The following CHL1 variants were observed in gnomAD, a reference collection of about 807,000 sequenced individuals.
CHL1 encodes neural cell adhesion molecule L1-like protein.
A neutral mutation model predicts 141.9 loss-of-function variants in CHL1; 96 were observed. The observed-to-expected ratio is 0.68, with a 90% CI of 0.57 to 0.80. The LOEUF is 0.80. Ranked by LOEUF, CHL1 falls within the 30% of genes least tolerant of loss-of-function variation. CHL1 has a pLI of 0.00. For missense variants in CHL1, 1,820 were observed against 1,457.2 expected, an observed-to-expected ratio of 1.25 and a Z score of -4.05; for synonymous variants, 613 against 502.2, an observed-to-expected ratio of 1.22 and a Z score of -2.95.
chr3:371,968 G>C (rs1705694510), intron 15 of CHL1, among the ~76,000 whole-genome samples: 1 of 152,120 alleles, frequency 6.6e-6, no homozygotes. Context: ...TTTCTTCTGA[G>C]AGGTCCACCG....
intron 20 of CHL1, among the ~76,000 whole-genome samples, chr3:390,157 AG>A (rs1708102766): frequency 6.6e-6 from 1 of 152,224 alleles, no homozygotes; most frequent in Non-Finnish European, 1.5e-5. Flanking sequence ...CCCAAATAAA[AG>A]CACACAAAAC....
intron 23 of CHL1, among the ~76,000 whole-genome samples, chr3:394,136 A>G (rs1329129448): frequency 1.3e-5 from 2 of 152,198 alleles, no homozygotes; most frequent in East Asian, 3.8e-4. Flanking sequence ...AGCACTTTAC[A>G]TAGTACTTAG....
intron 2 of CHL1, among the ~76,000 whole-genome samples, chr3:277,996 G>T (rs967155131): frequency 3.3e-5 from 5 of 152,204 alleles, no homozygotes; most frequent in African/African-American, 1.2e-4. Context: ...TACTAGGCAG[G>T]AATGTGGAGT....
At chr3:397,897 C>T (rs1002287358) in intron 24 of CHL1, among the ~76,000 whole-genome samples, 3 of 152,014 alleles carry the variant, frequency 2.0e-5, no homozygotes, top group African/African-American at 4.8e-5. Flanking sequence ...TATTCAGTTT[C>T]GCATTAGGTT....
At chr3:327,518 T>C (rs2125074904) in intron 4 of CHL1, among the ~76,000 whole-genome samples, 1 of 152,118 alleles carries the variant, frequency 6.6e-6, no homozygotes, top group Middle Eastern at 3.4e-3. Flanking sequence ...GGAACTGGCA[T>C]ATTGAAATAT....
At position 227,794 on chromosome 3, in the gene CHL1, C is replaced by G. The variant is rs539755323; in HGVS notation, c.-174-16819C>G. Among the ~76,000 whole-genome samples the G allele has an allele frequency of 2.0e-5, 3 of 152,208 alleles. No homozygotes were observed. The East Asian group carries it at 5.8e-4, about 29-fold the overall frequency. On this transcript the variant is annotated intron_variant, in intron 1 of 27. Transcript: ENST00000256509. ...TTCTACTCCTTGAGATACCTGCACT[C>G]ATTGCTTGCACTTCTGTTAGTGATT...
chr3:389,460 A>G lies in CHL1; in HGVS notation c.2456A>G (p.Tyr819Cys). Residue 819 changes from tyrosine to cysteine, a missense_variant, in exon 20 of 28, where the codon TAT becomes TGT. Physicochemically the swap from Tyr to Cys is radical, Grantham distance 194 (BLOSUM62 -2). Transcript: ENST00000256509. ...CCTGACCCTCAGTCAGTGACTCTCT[A>G]TTCTGGAGAAGACTGTAAGTGATGC... ...SGPDPQSVTL[Y>C]SGEDYPDTAP... is the part of the protein sequence containing the mutation. 3.1e-6 allele frequency: 5 copies of G among 1,613,922 alleles called. No individual in the cohort carries two copies. The highest frequency in any genetic ancestry group is 3.4e-6 in the Non-Finnish European group (4 of 1,179,786).
At chr3:283,842 C>T (rs773292106) in intron 2 of CHL1, among the ~76,000 whole-genome samples, 2 of 152,070 alleles carry the variant, frequency 1.3e-5, no homozygotes, top group African/African-American at 2.4e-5. Flanking sequence ...TCTCCTCCAC[C>T]CCAGTTGAGA....
At chr3:333,739 T>A (rs999035484) in intron 5 of CHL1, among the ~76,000 whole-genome samples, 2 of 152,172 alleles carry the variant, frequency 1.3e-5, no homozygotes, top group Admixed American at 6.5e-5. Flanking sequence ...TGCATGTATA[T>A]GGTGATTGGG....
chr3:293,497 T>C (rs1158494087), intron 2 of CHL1, among the ~76,000 whole-genome samples: 1 of 151,978 alleles, frequency 6.6e-6, no homozygotes, highest in Non-Finnish European at 1.5e-5. Context: ...AGAGTGACAC[T>C]CCATCAAAAA....
chr3:281,789 G>A (rs1479121763), intron 2 of CHL1, among the ~76,000 whole-genome samples: 3 of 151,956 alleles, frequency 2.0e-5, no homozygotes, highest in Non-Finnish European at 4.4e-5. Context: ...TGAACTCCTG[G>A]CCTCAAGTGA....
chr3:395,555 C>G (rs1708603316), intron 24 of CHL1, among the ~76,000 whole-genome samples: 1 of 152,148 alleles, frequency 6.6e-6, no homozygotes, highest in Non-Finnish European at 1.5e-5. Flanking sequence ...GTCAGAGGAA[C>G]TGATGTACAC....
chr3:400,244 A>G (rs1404400974), intron 26 of CHL1, among the ~76,000 whole-genome samples: 1 of 152,238 alleles, frequency 6.6e-6, no homozygotes, highest in African/African-American at 2.4e-5. Flanking sequence ...CATTGAGAGC[A>G]TAATTTCTAG....
At chr3:277,880 C>T (rs574238109) in intron 2 of CHL1, among the ~76,000 whole-genome samples, 3 of 152,262 alleles carry the variant, frequency 2.0e-5, no homozygotes, top group African/African-American at 7.2e-5. Flanking sequence ...TAACATTTTT[C>T]TTTTCCATAA....
rs1286122896 is a variant in CHL1 at position 407,018 on chromosome 3, T to G, written c.*1307T>G. The G allele has an allele frequency of 2.6e-5, 4 of 152,144 alleles. No individual in the cohort carries two copies. Among genetic ancestry groups the G allele is most frequent in the Admixed American group, 2.6e-4 (4 of 15,256 alleles). 9.4% of individuals were successfully genotyped at this position (152,144 alleles called of 1,614,324 possible). A position where few individuals can be genotyped will look rare whatever the true frequency, so the allele number is the denominator to read the frequency against. On this transcript the variant is annotated 3_prime_UTR_variant, in exon 28 of 28. Transcript: ENST00000256509. ...GAGAATTTTTTCCCCGATATTCTCC[T>G]TCTGTCAAAGTCAGAACAAATTCAG...
At chr3:318,326 A>G (rs1048835322) in intron 2 of CHL1, among the ~76,000 whole-genome samples, 9 of 151,902 alleles carry the variant, frequency 5.9e-5, no homozygotes, top group Non-Finnish European at 1.3e-4. Context: ...ATGTAAGTTT[A>G]AAGACTTTAC....
rs1709667662 is a variant in CHL1, at chr3:408,459, A to T, written c.*2748A>T. On this transcript the variant is annotated 3_prime_UTR_variant, in exon 28 of 28. Transcript: ENST00000256509. ...AACCTTTTTATTTCAAACTCTCTCA[A>T]CTCTAAAGTGCTAATAATAATCTCA... 1 of 151,964 alleles carries T rather than the reference A, an allele frequency of 6.6e-6. No homozygotes were observed. Among genetic ancestry groups the T allele is most frequent in the Non-Finnish European group, 1.5e-5 (1 of 67,980 alleles). The allele number at this position is 151,964 out of a possible 1,614,324, so 9.4% of individuals were successfully genotyped here.
chr3:266,098 A>G (rs928671411), intron 2 of CHL1, among the ~76,000 whole-genome samples: 1 of 152,146 alleles, frequency 6.6e-6, no homozygotes, highest in African/African-American at 2.4e-5. Context: ...GTTGTACAGT[A>G]TCCTCAGTTA....
intron 1 of CHL1, among the ~76,000 whole-genome samples, chr3:243,095 C>A (rs1019867671): frequency 3.9e-5 from 6 of 152,148 alleles, no homozygotes; most frequent in Non-Finnish European, 8.8e-5. Context: ...GAATGCATGA[C>A]ATTCTTTATC....
Sources: allele counts gnomAD v4.1 joint callset (sites outside exome capture counted in the v4.1 genomes callset), GRCh38; gene constraint gnomAD v4.1.1; transcripts MANE v1.5; gene names NCBI Gene and HGNC (gene_info 2026-07-23, HGNC 2026-07-21).